TYW1B: variants seen among roughly 807,000 people sequenced by gnomAD.
TYW1B encodes the protein S-adenosyl-L-methionine-dependent tRNA 4-demethylwyosine synthase TYW1B.
TYW1B carries 73 observed loss-of-function variants against 86.9 expected under a neutral mutation model. That is an observed-to-expected ratio of 0.84 (90% CI 0.70 to 1.02). TYW1B has a LOEUF of 1.02. Among genes scored for constraint, TYW1B ranks in the 50% least tolerant of loss-of-function variants. The pLI is 0.00. For missense variants in TYW1B, 637 were observed against 827.4 expected (o/e 0.77, Z 2.82); for synonymous variants, 248 against 292.8 (o/e 0.85, Z 1.56).
chr7:72,761,654 G>A (rs148616909), intron 7 of TYW1B, among the ~76,000 whole-genome samples: 16 of 151,412 alleles, frequency 1.1e-4, no homozygotes, highest in Admixed American at 4.6e-4. Flanking sequence ...TTTGTCTAAC[G>A]TAGAGGTTAT....
At chr7:72,792,553 T>C (rs1404942882) in intron 6 of TYW1B, among the ~76,000 whole-genome samples, 1 of 152,126 alleles carries the variant, frequency 6.6e-6, no homozygotes, top group Non-Finnish European at 1.5e-5. Flanking sequence ...AAGGGAAACT[T>C]TTTGCAACTT....
At chr7:72,780,747 T>A (rs1349838427) in intron 6 of TYW1B, among the ~76,000 whole-genome samples, 3 of 152,212 alleles carry the variant, frequency 2.0e-5, no homozygotes, top group Non-Finnish European at 4.4e-5. Flanking sequence ...TCATCACTCC[T>A]TCCCTCTAAG....
intron 7 of TYW1B, among the ~76,000 whole-genome samples, chr7:72,762,641 C>G (rs1163261601): frequency 3.3e-5 from 5 of 152,036 alleles, no homozygotes; most frequent in Admixed American, 3.3e-4. Context: ...TTCCTCTACT[C>G]AAGGTACTAG....
At chr7:72,752,446 T>A (rs1166572364) in intron 7 of TYW1B, among the ~76,000 whole-genome samples, 1 of 152,054 alleles carries the variant, frequency 6.6e-6, no homozygotes, top group Non-Finnish European at 1.5e-5. Flanking sequence ...TAAAAACTTA[T>A]CAGGCAGAGC....
chr7:72,698,681 A>C (rs1563063238), intron 10 of TYW1B, among the ~76,000 whole-genome samples: 1 of 151,976 alleles, frequency 6.6e-6, no homozygotes, highest in Non-Finnish European at 1.5e-5. Context: ...AAGAAAAGAA[A>C]AACAGTAAGC....
intron 13 of TYW1B, among the ~76,000 whole-genome samples, chr7:72,576,882 T>A (rs1402829598): frequency 6.6e-6 from 1 of 151,444 alleles, no homozygotes; most frequent in African/African-American, 2.4e-5. Flanking sequence ...ATCCCAGCAC[T>A]TTCAAAGGCC....
At chr7:72,729,275 C>G (rs767444589) in intron 8 of TYW1B, among the ~76,000 whole-genome samples, 1 of 152,082 alleles carries the variant, frequency 6.6e-6, no homozygotes, top group African/African-American at 2.4e-5. Flanking sequence ...TCATCTACGT[C>G]GACACTTCAT....
At chr7:72,751,500 G>C (rs1269623892) in intron 7 of TYW1B, among the ~76,000 whole-genome samples, 1 of 151,792 alleles carries the variant, frequency 6.6e-6, no homozygotes, top group East Asian at 1.9e-4. Flanking sequence ...ATTCCCTCTT[G>C]TTTCTTTTAT....
intron 12 of TYW1B, among the ~76,000 whole-genome samples, chr7:72,617,394 G>C (rs1393037888): frequency 1.3e-5 from 2 of 152,150 alleles, no homozygotes; most frequent in Non-Finnish European, 2.9e-5. Flanking sequence ...TTGAGACAGA[G>C]TCTTGCTCTG....
intron 12 of TYW1B, among the ~76,000 whole-genome samples, chr7:72,618,153 A>C (rs1812122669): frequency 6.6e-6 from 1 of 151,776 alleles, no homozygotes; most frequent in African/African-American, 2.4e-5. Context: ...CACACACACA[A>C]ACACACACAA....
intron 13 of TYW1B, among the ~76,000 whole-genome samples, chr7:72,598,662 A>C (rs1290737453): frequency 2.0e-5 from 3 of 152,194 alleles, no homozygotes; most frequent in African/African-American, 7.2e-5. Flanking sequence ...GAGTTATTAC[A>C]AGTAAGAGTG....
chr7:72,625,100 C>G (rs1431898632), intron 12 of TYW1B, among the ~76,000 whole-genome samples: 3 of 151,740 alleles, frequency 2.0e-5, no homozygotes, highest in African/African-American at 7.3e-5. Context: ...TACATTTCTC[C>G]AAGAGTTTTC....
At chr7:72,604,406 G>A (rs556298820) in intron 13 of TYW1B, among the ~76,000 whole-genome samples, 5 of 152,188 alleles carry the variant, frequency 3.3e-5, no homozygotes, top group South Asian at 2.1e-4. Context: ...AGGTTGCAGC[G>A]AGCTGAGATC....
intron 11 of TYW1B, among the ~76,000 whole-genome samples, chr7:72,667,031 CA>C (rs60691255): frequency 4.0e-4 from 17 of 42,374 alleles, no homozygotes; most frequent in East Asian, 2.7e-3. Context: ...GACTCCGTCT[CA>C]AAAAAAAAAA....
intron 3 of TYW1B, among the ~76,000 whole-genome samples, chr7:72,814,902 CA>C (rs35390409): frequency 0.11 from 14,275 of 125,678 alleles, 1,121 homozygotes; most frequent in East Asian, 0.34. Flanking sequence ...TCAACTCTAG[CA>C]AAAAAAAAAA....
At chr7:72,816,441 C>T (rs1413439139) in intron 2 of TYW1B, among the ~76,000 whole-genome samples, 5 of 152,062 alleles carry the variant, frequency 3.3e-5, no homozygotes, top group South Asian at 2.1e-4. Flanking sequence ...GAAAAGAAGA[C>T]GGTTGACAGA....
chr7:72,750,811 T>C (rs1279777954), intron 7 of TYW1B, among the ~76,000 whole-genome samples: 1 of 152,198 alleles, frequency 6.6e-6, no homozygotes, highest in Admixed American at 6.6e-5. Context: ...TGCAATATAC[T>C]TACTGGTTGT....
chr7:72,810,794 C>T lies in TYW1B; in HGVS notation c.238-129G>A, dbSNP rs184092560. On this transcript the variant is annotated intron_variant, in intron 3 of 13. Coordinates refer to ENST00000620995, the MANE Select transcript of TYW1B (RefSeq NM_001145440.3). ...TACCTTCATAAACATGGCTCATTTT[C>T]GAAAGTGAAGGGCCTGACTAAGAAA... 601 of 1,327,430 alleles carry T rather than the reference C, an allele frequency of 4.5e-4. 5 individuals are homozygous for T. In the African/African-American group the frequency reaches 8.1e-3, roughly 18 times the overall value. 82.2% of individuals were successfully genotyped at this position (1,327,430 alleles called of 1,614,324 possible).
chr7:72,597,444 A>G (rs1811563330), intron 13 of TYW1B, among the ~76,000 whole-genome samples: 1 of 152,224 alleles, frequency 6.6e-6, no homozygotes, highest in South Asian at 2.1e-4. Flanking sequence ...CAAAGAAAGT[A>G]GGAAGGAAAG....
Sources: allele counts gnomAD v4.1 joint callset (sites outside exome capture counted in the v4.1 genomes callset), GRCh38; gene constraint gnomAD v4.1.1; transcripts MANE v1.5; gene names NCBI Gene and HGNC (gene_info 2026-07-23, HGNC 2026-07-21).